The following NECTIN3 variants were observed in gnomAD, a reference collection of about 807,000 sequenced individuals.
NECTIN3 encodes the protein nectin cell adhesion molecule 3.
Under a neutral mutation model 49.4 loss-of-function variants are expected in NECTIN3, and 8 were observed. The observed-to-expected ratio is 0.16, with a 90% CI of 0.10 to 0.29. NECTIN3 has a LOEUF of 0.29. Ranked by LOEUF, NECTIN3 falls within the 10% of genes least tolerant of loss-of-function variation. The pLI is 1.00. For missense variants in NECTIN3, 581 were observed against 654.6 expected, an observed-to-expected ratio of 0.89 and a Z score of 1.23; for synonymous variants, 277 against 241.1, an observed-to-expected ratio of 1.15 and a Z score of -1.38.
intron 7 of NECTIN3, among the ~76,000 whole-genome samples, chr3:111,153,020 T>C (rs1420762193): frequency 1.3e-5 from 2 of 151,970 alleles, no homozygotes. Context: ...CGAGTAGTTA[T>C]GATCTTTGGG....
chr3:111,134,663 T>C lies in NECTIN3; in HGVS notation c.*448T>C. The C allele has an allele frequency of 1.2e-6, 1 of 860,164 alleles. No individual in the cohort carries two copies. Among genetic ancestry groups the C allele is most frequent in the Non-Finnish European group, 1.4e-6 (1 of 716,100 alleles). 53.3% of individuals were successfully genotyped at this position (860,164 alleles called of 1,614,324 possible). ...AATGACACTGCATCAAAATTGACTA[T>C]AAAACTAATTCAAGAAATATTTATA... On this transcript the variant is annotated 3_prime_UTR_variant, in exon 6 of 6. Transcript: ENST00000485303.
At chr3:111,121,004 T>G (rs190124077) in intron 3 of NECTIN3, among the ~76,000 whole-genome samples, 2,491 of 144,426 alleles carry the variant, frequency 0.017, 35 homozygotes, top group Non-Finnish European at 0.026. Context: ...TTTCTTTCTT[T>G]TTTTTTTTTT....
At chr3:111,149,873 A>G (rs1425511001) in intron 7 of NECTIN3, among the ~76,000 whole-genome samples, 1 of 152,022 alleles carries the variant, frequency 6.6e-6, no homozygotes, top group Admixed American at 6.6e-5. Context: ...GAAGACTAGT[A>G]TAGAATTTCC....
chr3:111,177,636 G>T (rs900529737), intron 7 of NECTIN3, among the ~76,000 whole-genome samples: 1 of 152,178 alleles, frequency 6.6e-6, no homozygotes, highest in African/African-American at 2.4e-5. Flanking sequence ...GTGTGTTGAT[G>T]AAACTAAGGT....
rs2034504625 is a variant in NECTIN3 at position 111,134,392 on chromosome 3, G to A, written c.*177G>A. ...TAAAATCTGAGTTCAGTGTATCTAAGCTGCTTTACAATTTTTTTTCAATGC... is the reference window on the plus strand; with the variant it reads ...TAAAATCTGAGTTCAGTGTATCTAAACTGCTTTACAATTTTTTTTCAATGC... On this transcript the variant is annotated 3_prime_UTR_variant, in exon 6 of 6. Coordinates refer to ENST00000485303, the MANE Select transcript of NECTIN3 (RefSeq NM_015480.3). 4 of 1,346,038 alleles carry A rather than the reference G, an allele frequency of 3.0e-6. No individual in the cohort carries two copies. In the East Asian group the frequency reaches 1.1e-4, roughly 38 times the overall value. 83.4% of individuals were successfully genotyped at this position (1,346,038 alleles called of 1,614,324 possible). A position where few individuals can be genotyped will look rare whatever the true frequency, so the allele number is the denominator to read the frequency against.
intron 1 of NECTIN3, among the ~76,000 whole-genome samples, chr3:111,084,481 C>T (rs567685185): frequency 1.3e-5 from 2 of 152,088 alleles, no homozygotes; most frequent in African/African-American, 2.4e-5. Flanking sequence ...AAAGACTAGC[C>T]GATAAAGAAC....
At chr3:111,186,917 T>A (rs1018638033) in intron 7 of NECTIN3, among the ~76,000 whole-genome samples, 1 of 152,184 alleles carries the variant, frequency 6.6e-6, no homozygotes, top group African/African-American at 2.4e-5. Context: ...AGTTAGAGTA[T>A]TATAGTTTTA....
chr3:111,165,273 G>C (rs1293305114), intron 7 of NECTIN3, among the ~76,000 whole-genome samples: 5 of 152,078 alleles, frequency 3.3e-5, no homozygotes, highest in African/African-American at 7.2e-5. Context: ...TCGATCTCCT[G>C]ACCTCGTGAT....
intron 7 of NECTIN3, among the ~76,000 whole-genome samples, chr3:111,161,295 G>T (rs569986636): frequency 5.3e-5 from 8 of 152,220 alleles, no homozygotes; most frequent in South Asian, 2.1e-4. Flanking sequence ...CTGCCACTTG[G>T]CCTTTGTCAC....
In NECTIN3 at chr3:111,118,921, C is replaced by T. The variant is rs2033825026; in HGVS notation, c.768C>T (p.Asp256=). 4 of 1,613,878 alleles carry T rather than the reference C, an allele frequency of 2.5e-6. No individual in the cohort carries two copies. The highest frequency in any genetic ancestry group is 1.3e-5 in the African/African-American group (1 of 74,928). The change falls in exon 3 of 6, where the codon GAC becomes GAT. Residue 256 remains aspartate, a synonymous_variant. Transcript: ENST00000485303. The stretch of plus-strand genomic sequence containing the variant: ...TAAAACATCCAGCCTTGGAAAAGGA[C>T]ATCCGATACTCTTTCATATTAGACA... The part of the protein sequence containing the change: ...CVVKHPALEK[D]IRYSFILDIQ...
chr3:111,121,387 A>C (rs909275837), intron 3 of NECTIN3, among the ~76,000 whole-genome samples: 2 of 152,096 alleles, frequency 1.3e-5, no homozygotes, highest in African/African-American at 4.8e-5. Flanking sequence ...TGAATGAATG[A>C]TAGTTATTGG....
intron 7 of NECTIN3, among the ~76,000 whole-genome samples, chr3:111,172,748 A>T (rs757775888): frequency 3.9e-5 from 6 of 152,142 alleles, no homozygotes; most frequent in Non-Finnish European, 7.4e-5. Flanking sequence ...TTGATCTGCC[A>T]TTTACCATGC....
intron 1 of NECTIN3, chr3:111,074,055 C>T (rs1248571681): frequency 6.0e-6 from 2 of 335,122 alleles, no homozygotes; most frequent in Non-Finnish European, 1.2e-5. Flanking sequence ...TAGAGGTAGA[C>T]ACTGGTTTTG....
chr3:111,115,955 G>A (rs1373495545), intron 2 of NECTIN3, among the ~76,000 whole-genome samples: 1 of 152,162 alleles, frequency 6.6e-6, no homozygotes, highest in African/African-American at 2.4e-5. Context: ...AGGTGTTGGT[G>A]ATTGGGAGGA....
rs1032452586 is a variant in NECTIN3, at chr3:111,145,181, C to T, written c.1139+144C>T. The T allele has an allele frequency of 6.5e-6, 6 of 921,616 alleles. No individual in the cohort carries two copies. In the East Asian group the frequency reaches 1.3e-4, roughly 20 times the overall value. The allele number at this position is 921,616 out of a possible 1,614,324, so 57.1% of individuals were successfully genotyped here. The stretch of plus-strand genomic sequence containing the variant: ...CTTTGTTAGATGACCGTGGTTTCAT[C>T]AGAATATCTCAAACTATATCTTGCT... On this transcript the variant is annotated intron_variant, in intron 6 of 8. Transcript: ENST00000493615.
chr3:111,188,515 T>C (rs936712941), upstream of NECTIN3, among the ~76,000 whole-genome samples: 15 of 152,208 alleles, frequency 9.9e-5, no homozygotes, highest in Non-Finnish European at 2.9e-5. Flanking sequence ...CTGAGAACTT[T>C]CTCTTCTTGT....
chr3:111,133,605 TGTC>T, intron 5 of NECTIN3, 27 bp from the exon 6 acceptor site: 1 of 1,588,316 alleles, frequency 6.3e-7, no homozygotes, highest in Non-Finnish European at 8.6e-7. Context: ...TGCCTTTCTG[TGTC>T]TTCTCTATCT....
At position 111,137,549 on chromosome 3, in the gene NECTIN3, T is replaced by C. The variant is rs1274021777; in HGVS notation, c.*3334T>C. The C allele has an allele frequency of 1.1e-6, 1 of 941,618 alleles. No homozygotes were observed. The highest frequency in any genetic ancestry group is 1.2e-4 in the East Asian group (1 of 8,358). 58.3% of individuals were successfully genotyped at this position (941,618 alleles called of 1,614,324 possible). ...ATCTTTAAATAAAAGTTAAAAAAGT[T>C]CTTTAGAGGCATATTTCTGTAATAA... On this transcript the variant is annotated 3_prime_UTR_variant, in exon 6 of 6. Coordinates refer to ENST00000485303, the MANE Select transcript of NECTIN3 (RefSeq NM_015480.3).
At chr3:111,141,321 C>T (rs59114328), downstream of NECTIN3, among the ~76,000 whole-genome samples, 6 of 151,882 alleles carry the variant, frequency 4.0e-5, no homozygotes, top group Non-Finnish European at 7.4e-5. Flanking sequence ...ACACATAAAC[C>T]TGTGATGTCA....
Sources: gnomAD v4.1 joint callset for allele counts (sites outside exome capture counted in the v4.1 genomes callset) on GRCh38, gnomAD v4.1.1 for gene constraint, MANE v1.5 for transcripts, NCBI Gene and HGNC (gene_info 2026-07-23, HGNC 2026-07-21) for gene names.